HTT-AS: variants seen among roughly 807,000 people sequenced by gnomAD.
HTT-AS encodes the protein HTT antisense RNA.
intron 2 of HTT-AS, among the ~76,000 whole-genome samples, chr4:3,052,348 G>A (rs1161837606): frequency 6.6e-6 from 1 of 152,170 alleles, no homozygotes; most frequent in Non-Finnish European, 1.5e-5. Context: ...TTTTATTAAA[G>A]AGTGCAATGG....
intron 1 of HTT-AS, among the ~76,000 whole-genome samples, chr4:3,064,082 A>G (rs1578468574): frequency 6.7e-6 from 1 of 149,340 alleles, no homozygotes; most frequent in African/African-American, 2.5e-5. Context: ...GAAAGCTGTA[A>G]CACAAATAAT....
intron 1 of HTT-AS, among the ~76,000 whole-genome samples, chr4:3,066,396 T>C (rs1712059506): frequency 1.3e-5 from 2 of 152,158 alleles, no homozygotes; most frequent in African/African-American, 2.4e-5. Flanking sequence ...TCTCGATCTC[T>C]TGACGTCATG....
chr4:3,049,074 C>T (rs185789928), downstream of HTT-AS, among the ~76,000 whole-genome samples: 58 of 152,302 alleles, frequency 3.8e-4, 1 homozygote, highest in Admixed American at 2.4e-3. Context: ...CACAACAGAT[C>T]GTCTTTTCAT....
chr4:3,061,392 G>T (rs1172199897), intron 2 of HTT-AS, among the ~76,000 whole-genome samples: 5 of 152,168 alleles, frequency 3.3e-5, no homozygotes, highest in Non-Finnish European at 7.4e-5. Context: ...CAGAATATGC[G>T]TCTATTGACT....
intron 2 of HTT-AS, among the ~76,000 whole-genome samples, chr4:3,056,795 T>G (rs777125374): frequency 1.3e-5 from 2 of 152,216 alleles, no homozygotes; most frequent in Non-Finnish European, 2.9e-5. Context: ...CTTAATGATT[T>G]TTAAGCATAG....
chr4:3,061,465 G>A (rs532399478), intron 2 of HTT-AS, among the ~76,000 whole-genome samples: 6 of 151,786 alleles, frequency 4.0e-5, no homozygotes, highest in African/African-American at 7.3e-5. Flanking sequence ...TGGATCACCT[G>A]AGGTCAGGAG....
intron 2 of HTT-AS, among the ~76,000 whole-genome samples, chr4:3,053,920 C>T (rs1469729384): frequency 6.6e-6 from 1 of 151,850 alleles, no homozygotes; most frequent in Non-Finnish European, 1.5e-5. Flanking sequence ...CCACCATGCC[C>T]AGCTAATTTT....
At chr4:3,062,994 A>G (rs1005537930) in exon 2 of HTT-AS, among the ~76,000 whole-genome samples, 1 of 152,016 alleles carries the variant, frequency 6.6e-6, no homozygotes. Context: ...GATCTTCCTG[A>G]TCCTCCTCCC....
chr4:3,051,030 TTGTGTGTGTGTGTGTGTG>T (rs59615689), intron 2 of HTT-AS, among the ~76,000 whole-genome samples: 305 of 122,550 alleles, frequency 2.5e-3, no homozygotes, highest in Admixed American at 3.8e-3. Context: ...CCCTTACAAT[TTGTGTGTGTGTGTGTGTG>T]TGTGTGTGTG....
chr4:3,054,265 TTGTTTAAAAAGAGGGG>T (rs1341789874), intron 2 of HTT-AS, among the ~76,000 whole-genome samples: 2 of 151,752 alleles, frequency 1.3e-5, no homozygotes, highest in South Asian at 2.1e-4. Context: ...AAATAACTGG[TTGTTTAAAAAGAGGGG>T]TGTTTAAAAA....
chr4:3,048,220 T>TA (rs947969865), downstream of HTT-AS, among the ~76,000 whole-genome samples: 4 of 152,206 alleles, frequency 2.6e-5, no homozygotes, highest in Admixed American at 6.5e-5. Flanking sequence ...GGCTGGACCC[T>TA]ACAGGCGAGA....
intron 1 of HTT-AS, among the ~76,000 whole-genome samples, chr4:3,073,126 C>T (rs1712227424): frequency 6.6e-6 from 1 of 152,226 alleles, no homozygotes; most frequent in Admixed American, 6.5e-5. Flanking sequence ...CCACTGGGGA[C>T]AATGCTGGGT....
chr4:3,069,612 C>T (rs144795767), intron 1 of HTT-AS, among the ~76,000 whole-genome samples: 88 of 152,254 alleles, frequency 5.8e-4, no homozygotes, highest in African/African-American at 1.8e-3. Context: ...AGTTTAAAAA[C>T]GAGGGTTGTC....
chr4:3,050,261 G>GT (rs1324789632), intron 2 of HTT-AS, among the ~76,000 whole-genome samples: 2 of 152,178 alleles, frequency 1.3e-5, no homozygotes, highest in African/African-American at 4.8e-5. Flanking sequence ...GTTATCACAG[G>GT]TAATTTGACT....
At chr4:3,049,563 A>G (rs1486794587) in exon 3 of HTT-AS, among the ~76,000 whole-genome samples, 1 of 152,178 alleles carries the variant, frequency 6.6e-6, no homozygotes, top group Non-Finnish European at 1.5e-5. Context: ...ATGGGTGTAC[A>G]GTTCCAGGAG....
intron 1 of HTT-AS, among the ~76,000 whole-genome samples, chr4:3,068,237 C>T (rs1379660601): frequency 3.1e-5 from 4 of 130,418 alleles, no homozygotes; most frequent in South Asian, 2.6e-4. Flanking sequence ...ACCCGGGAGG[C>T]GGAGCTTGCA....
downstream of HTT-AS, among the ~76,000 whole-genome samples, chr4:3,048,148 T>C (rs1162523832): frequency 6.6e-6 from 1 of 152,052 alleles, no homozygotes; most frequent in East Asian, 1.9e-4. Flanking sequence ...CTTTGTCTTG[T>C]GTCCTTATTT....
intron 2 of HTT-AS, among the ~76,000 whole-genome samples, chr4:3,055,120 A>G (rs1711782429): frequency 1.3e-5 from 2 of 151,918 alleles, no homozygotes; most frequent in Non-Finnish European, 2.9e-5. Context: ...AGGCTGAGGC[A>G]GGTAGATCAC....
chr4:3,058,922 G>T (rs747656895), intron 2 of HTT-AS, among the ~76,000 whole-genome samples: 2 of 152,042 alleles, frequency 1.3e-5, no homozygotes, highest in African/African-American at 4.8e-5. Flanking sequence ...GTTTCCCCAT[G>T]TTGCCCAGGC....
Sources: allele counts gnomAD v4.1 joint callset (sites outside exome capture counted in the v4.1 genomes callset), GRCh38; gene constraint gnomAD v4.1.1; transcripts MANE v1.5; gene names NCBI Gene and HGNC (gene_info 2026-07-23, HGNC 2026-07-21).